The following CNTNAP2 variants were observed in gnomAD, a reference collection of about 807,000 sequenced individuals.
CNTNAP2 encodes the protein contactin associated protein 2, also known as contactin-associated protein-like 2.
A neutral mutation model predicts 155.2 loss-of-function variants in CNTNAP2; 98 were observed. The observed-to-expected ratio is 0.63, with a 90% CI of 0.54 to 0.75. The LOEUF (loss-of-function observed/expected upper bound fraction) is 0.75, where lower values mean the gene tolerates loss of function less well. Ranked by LOEUF, CNTNAP2 falls within the 30% of genes least tolerant of loss-of-function variation. CNTNAP2 has a pLI of 0.00. For synonymous variants in CNTNAP2, 651 were observed against 631.2 expected (o/e 1.03, Z -0.47); for missense variants, 1,727 against 1,688.1 (o/e 1.02, Z -0.40).
chr7:147,342,630 G>T (rs6945022), intron 9 of CNTNAP2, among the ~76,000 whole-genome samples: 6 of 151,970 alleles, frequency 3.9e-5, no homozygotes, highest in Non-Finnish European at 8.8e-5. Flanking sequence ...AGCAATTTCA[G>T]TTGTGCTCAT....
intron 18 of CNTNAP2, among the ~76,000 whole-genome samples, chr7:148,210,377 G>A (rs980777004): frequency 9.2e-5 from 14 of 152,162 alleles, no homozygotes; most frequent in Non-Finnish European, 1.5e-4. Context: ...ACAGGAATAC[G>A]TATTAACACA....
At chr7:147,493,353 C>T (rs958659905) in intron 11 of CNTNAP2, among the ~76,000 whole-genome samples, 2 of 152,154 alleles carry the variant, frequency 1.3e-5, no homozygotes, top group South Asian at 4.1e-4. Flanking sequence ...TGAGCAACTA[C>T]CAAATTCCTT....
chr7:147,168,091 C>T (rs1263692303), intron 8 of CNTNAP2, among the ~76,000 whole-genome samples: 1 of 148,122 alleles, frequency 6.8e-6, no homozygotes, highest in Non-Finnish European at 1.5e-5. Flanking sequence ...ATATATGACA[C>T]ATATATGTAT....
chr7:147,398,430 A>G (rs1188558799), intron 10 of CNTNAP2, among the ~76,000 whole-genome samples: 1 of 151,498 alleles, frequency 6.6e-6, no homozygotes, highest in Non-Finnish European at 1.5e-5. Flanking sequence ...AAATGAGAAC[A>G]TAGGGTAAAA....
intron 19 of CNTNAP2, among the ~76,000 whole-genome samples, chr7:148,219,866 TA>T (rs960562322): frequency 4.7e-5 from 7 of 150,390 alleles, no homozygotes; most frequent in Admixed American, 6.6e-5. Context: ...TAAAATAATT[TA>T]AAAAAAAAGA....
At chr7:148,287,517 T>A (rs1367017546) in intron 21 of CNTNAP2, among the ~76,000 whole-genome samples, 3 of 152,202 alleles carry the variant, frequency 2.0e-5, no homozygotes, top group African/African-American at 7.2e-5. Flanking sequence ...TCCTGACACA[T>A]TTATAATCAT....
intron 1 of CNTNAP2, among the ~76,000 whole-genome samples, chr7:146,165,056 A>C (rs1798291608): frequency 6.6e-6 from 1 of 152,164 alleles, no homozygotes; most frequent in Non-Finnish European, 1.5e-5. Context: ...CGGTGCCCTT[A>C]CGAACTATAA....
At chr7:147,814,779 A>G (rs1184957370) in intron 13 of CNTNAP2, among the ~76,000 whole-genome samples, 4 of 152,180 alleles carry the variant, frequency 2.6e-5, no homozygotes, top group Non-Finnish European at 4.4e-5. Flanking sequence ...TGTTCATCCT[A>G]TAAATGATCT....
chr7:147,002,201 T>C (rs1420037702), intron 3 of CNTNAP2, among the ~76,000 whole-genome samples: 1 of 151,912 alleles, frequency 6.6e-6, no homozygotes, highest in Admixed American at 6.6e-5. Context: ...GAATTAAAAA[T>C]AAAAAGAGAA....
chr7:146,503,865 G>C (rs1426142519), intron 1 of CNTNAP2, among the ~76,000 whole-genome samples: 1 of 152,078 alleles, frequency 6.6e-6, no homozygotes, highest in African/African-American at 2.4e-5. Context: ...GGGTCTGAGG[G>C]GACAGGTGGC....
chr7:146,701,178 T>C (rs1245493870), intron 1 of CNTNAP2, among the ~76,000 whole-genome samples: 1 of 152,216 alleles, frequency 6.6e-6, no homozygotes, highest in Non-Finnish European at 1.5e-5. Flanking sequence ...GTTAAACAAT[T>C]GCACAAGGCC....
chr7:147,249,249 G>A (rs528476813), intron 8 of CNTNAP2, among the ~76,000 whole-genome samples: 4 of 152,194 alleles, frequency 2.6e-5, no homozygotes, highest in Admixed American at 2.6e-4. Context: ...CTTGTTTTAT[G>A]CCTGTGATTA....
intron 1 of CNTNAP2, among the ~76,000 whole-genome samples, chr7:146,163,483 C>A (rs1363100132): frequency 7.0e-6 from 1 of 142,958 alleles, no homozygotes; most frequent in East Asian, 2.1e-4. Context: ...CTATATATAT[C>A]TATCTATATC....
chr7:147,986,888 T>C (rs932316719), intron 15 of CNTNAP2, among the ~76,000 whole-genome samples: 2 of 151,408 alleles, frequency 1.3e-5, no homozygotes, highest in African/African-American at 4.9e-5. Context: ...TGTGTGTGTG[T>C]GTGTGTGTGT....
chr7:146,709,273 C>T (rs1054980896), intron 1 of CNTNAP2, among the ~76,000 whole-genome samples: 12 of 152,166 alleles, frequency 7.9e-5, no homozygotes, highest in South Asian at 4.2e-4. Context: ...AGAACTGGGT[C>T]GTGTTTATGA....
chr7:146,815,931 C>G (rs965492171), intron 2 of CNTNAP2, among the ~76,000 whole-genome samples: 8 of 152,046 alleles, frequency 5.3e-5, no homozygotes, highest in Non-Finnish European at 1.0e-4. Flanking sequence ...CACAACGGGC[C>G]CTGATGTGCA....
chr7:147,617,012 AT>A (rs1424757038), intron 12 of CNTNAP2, among the ~76,000 whole-genome samples: 3 of 152,156 alleles, frequency 2.0e-5, no homozygotes, highest in African/African-American at 7.2e-5. Flanking sequence ...CTGCAATCTT[AT>A]AGCCCACTAT....
chr7:146,628,097 A>G (rs544539061), intron 1 of CNTNAP2, among the ~76,000 whole-genome samples: 1 of 152,176 alleles, frequency 6.6e-6, no homozygotes, highest in Non-Finnish European at 1.5e-5. Flanking sequence ...ATACTTGTTC[A>G]TATGGGATAT....
At chr7:146,499,369 C>A (rs1797266601) in intron 1 of CNTNAP2, among the ~76,000 whole-genome samples, 1 of 151,992 alleles carries the variant, frequency 6.6e-6, no homozygotes, top group African/African-American at 2.4e-5. Context: ...TTAGTACAGA[C>A]CGGGTTTCAC....
Sources: gnomAD v4.1 joint callset for allele counts (sites outside exome capture counted in the v4.1 genomes callset) on GRCh38, gnomAD v4.1.1 for gene constraint, MANE v1.5 for transcripts, NCBI Gene and HGNC (gene_info 2026-07-23, HGNC 2026-07-21) for gene names.